Variants in GPC5 observed in about 807,000 individuals in gnomAD.
The protein encoded by GPC5 is glypican 5, also known as glypican-5.
GPC5 carries 47 observed loss-of-function variants against 53.9 expected under a neutral mutation model. The observed-to-expected ratio is 0.87, with a 90% CI of 0.69 to 1.11. The LOEUF (loss-of-function observed/expected upper bound fraction) is 1.11, where lower values mean the gene tolerates loss of function less well. Ranked by LOEUF, GPC5 falls within the 50% of genes most tolerant of loss-of-function variation. The probability of loss-of-function intolerance (pLI) is 0.00; values close to 1 mark genes in which losing one functional copy is unlikely to be tolerated. For synonymous variants in GPC5, 286 were observed against 263.3 expected, an observed-to-expected ratio of 1.09 and a Z score of -0.84; for missense variants, 748 against 713.1, an observed-to-expected ratio of 1.05 and a Z score of -0.56.
At chr13:92,363,358 T>C (rs534575621) in intron 7 of GPC5, among the ~76,000 whole-genome samples, 2 of 151,608 alleles carry the variant, frequency 1.3e-5, no homozygotes, top group Non-Finnish European at 2.9e-5. Flanking sequence ...CAGGGACCGG[T>C]TTTGTGGAAG....
chr13:92,043,162 C>T (rs145551103), intron 6 of GPC5, among the ~76,000 whole-genome samples: 9 of 151,982 alleles, frequency 5.9e-5, no homozygotes, highest in Admixed American at 3.3e-4. Context: ...ATTTAATGAG[C>T]GTTACCAAAA....
At chr13:92,073,856 G>T (rs1201043026) in intron 6 of GPC5, among the ~76,000 whole-genome samples, 3 of 152,270 alleles carry the variant, frequency 2.0e-5, no homozygotes, top group East Asian at 3.9e-4. Flanking sequence ...GACCCAGTGG[G>T]ACGTAATTGA....
chr13:91,893,340 A>T (rs138551757), intron 5 of GPC5, among the ~76,000 whole-genome samples: 55 of 152,118 alleles, frequency 3.6e-4, no homozygotes, highest in African/African-American at 1.3e-3. Context: ...AAACCAACTT[A>T]TTTATTAAAG....
chr13:91,815,218 TAATA>T (rs760877641), intron 5 of GPC5, among the ~76,000 whole-genome samples: 3 of 151,786 alleles, frequency 2.0e-5, no homozygotes, highest in African/African-American at 4.8e-5. Flanking sequence ...AAAATAATAA[TAATA>T]AATAAATAAA....
At chr13:92,625,846 C>T (rs769229403) in intron 7 of GPC5, among the ~76,000 whole-genome samples, 1 of 152,138 alleles carries the variant, frequency 6.6e-6, no homozygotes, top group Non-Finnish European at 1.5e-5. Context: ...CCTTGAGACT[C>T]AAAGGTGATG....
rs537888012 is a variant in GPC5 at position 92,539,364 on chromosome 13, T to C, written c.1562-326918T>C. ...CCTGACTTTTTAATGATCGCCACTC[T>C]AACTGGTTGAGATGATATCTGATGG... is the stretch of plus-strand genomic sequence containing the variant. On this transcript the variant is annotated intron_variant, in intron 7 of 7. Coordinates refer to ENST00000377067, the MANE Select transcript of GPC5 (RefSeq NM_004466.6). Among the ~76,000 whole-genome samples, 13 of 152,200 alleles carry C rather than the reference T, an allele frequency of 8.5e-5. No homozygotes were observed. In the South Asian group the frequency reaches 2.7e-3, roughly 32 times the overall value.
At chr13:92,626,702 C>A (rs182300133) in intron 7 of GPC5, among the ~76,000 whole-genome samples, 1 of 152,208 alleles carries the variant, frequency 6.6e-6, no homozygotes, top group East Asian at 1.9e-4. Context: ...GAAGTTCTGT[C>A]ATGTAATTAT....
chr13:91,571,412 A>G (rs184686886), intron 2 of GPC5, among the ~76,000 whole-genome samples: 1 of 152,052 alleles, frequency 6.6e-6, no homozygotes, highest in Non-Finnish European at 1.5e-5. Flanking sequence ...TTTTCATCCT[A>G]TTTTAAACTT....
At chr13:92,077,212 A>G (rs2041258945) in intron 6 of GPC5, among the ~76,000 whole-genome samples, 1 of 152,194 alleles carries the variant, frequency 6.6e-6, no homozygotes, top group East Asian at 1.9e-4. Flanking sequence ...CCTTGGGCAC[A>G]TGTTCTCAGG....
chr13:92,087,388 C>T (rs2041343986), intron 6 of GPC5, among the ~76,000 whole-genome samples: 1 of 152,144 alleles, frequency 6.6e-6, no homozygotes, highest in African/African-American at 2.4e-5. Context: ...CAGCAAAGTA[C>T]CTGGTACATG....
intron 2 of GPC5, among the ~76,000 whole-genome samples, chr13:91,513,970 A>G (rs1021267763): frequency 6.6e-6 from 1 of 152,134 alleles, no homozygotes; most frequent in African/African-American, 2.4e-5. Context: ...AGTTGCATGT[A>G]TTGATAGTTT....
chr13:91,551,500 G>A (rs1297155427), intron 2 of GPC5, among the ~76,000 whole-genome samples: 1 of 152,114 alleles, frequency 6.6e-6, no homozygotes, highest in Non-Finnish European at 1.5e-5. Context: ...CAATATATGT[G>A]CAAATACTTG....
chr13:92,409,579 G>A (rs1209857761), intron 7 of GPC5, among the ~76,000 whole-genome samples: 1 of 151,898 alleles, frequency 6.6e-6, no homozygotes, highest in African/African-American at 2.4e-5. Context: ...ATATAAACAA[G>A]CAGAAGCTGT....
intron 2 of GPC5, among the ~76,000 whole-genome samples, chr13:91,490,699 T>C (rs930861244): frequency 6.6e-6 from 1 of 152,206 alleles, no homozygotes. Context: ...CACGTTTAAC[T>C]TACGTTATGA....
chr13:92,647,674 A>G (rs1440146293), intron 7 of GPC5, among the ~76,000 whole-genome samples: 1 of 152,154 alleles, frequency 6.6e-6, no homozygotes, highest in African/African-American at 2.4e-5. Context: ...AATTGTTTTG[A>G]GTACATTATA....
At chr13:92,508,963 T>G (rs1331985239) in intron 7 of GPC5, among the ~76,000 whole-genome samples, 1 of 152,202 alleles carries the variant, frequency 6.6e-6, no homozygotes, top group Non-Finnish European at 1.5e-5. Context: ...AAATCTCTGT[T>G]GCAAGTACTG....
At chr13:92,609,777 A>G (rs1287478951) in intron 7 of GPC5, among the ~76,000 whole-genome samples, 1 of 152,158 alleles carries the variant, frequency 6.6e-6, no homozygotes, top group African/African-American at 2.4e-5. Flanking sequence ...CACACCTGTA[A>G]TCCCAGCACT....
chr13:91,403,123 G>T (rs1331533718), intron 1 of GPC5, among the ~76,000 whole-genome samples: 1 of 152,224 alleles, frequency 6.6e-6, no homozygotes, highest in East Asian at 1.9e-4. Flanking sequence ...CAATTTTGCT[G>T]TTTGAACAAC....
At chr13:92,239,168 A>G (rs1164744469) in intron 7 of GPC5, among the ~76,000 whole-genome samples, 1 of 131,044 alleles carries the variant, frequency 7.6e-6, no homozygotes. Context: ...TTTTTTTTTC[A>G]AGATTCTACT....
Sources: gnomAD v4.1 joint callset for allele counts (sites outside exome capture counted in the v4.1 genomes callset) on GRCh38, gnomAD v4.1.1 for gene constraint, MANE v1.5 for transcripts, NCBI Gene and HGNC (gene_info 2026-07-23, HGNC 2026-07-21) for gene names.